The following PCSK4 variants were observed in gnomAD, a reference collection of about 807,000 sequenced individuals.
The protein encoded by PCSK4 is testicular tissue protein Li 135.
Under a neutral mutation model 80.3 loss-of-function variants are expected in PCSK4, and 64 were observed. That is an observed-to-expected ratio of 0.80 (90% CI 0.65 to 0.98). The LOEUF (loss-of-function observed/expected upper bound fraction) is 0.98, where lower values mean the gene tolerates loss of function less well. Among genes scored for constraint, PCSK4 ranks in the 50% least tolerant of loss-of-function variants. PCSK4 has a pLI of 0.00. For missense variants in PCSK4, 1,213 were observed against 1,093.6 expected, an observed-to-expected ratio of 1.11 and a Z score of -1.54; for synonymous variants, 561 against 487.6, an observed-to-expected ratio of 1.15 and a Z score of -1.98.
exon 4 of PCSK4, chr19:1,488,040 A>G: frequency 6.2e-7 from 1 of 1,613,436 alleles, no homozygotes; most frequent in East Asian, 2.2e-5. Flanking sequence ...CTGGCCTGAC[A>G]GCCCCTGACT....
intron 1 of PCSK4, 81 bp from the exon 2 acceptor site, chr19:1,489,978 C>G: frequency 6.5e-7 from 1 of 1,537,174 alleles, no homozygotes. Flanking sequence ...CAGCCCCCTT[C>G]TTTGTCCTTC....
chr19:1,483,797 C>T (rs541596245), intron 10 of PCSK4, 30 bp from the exon 11 acceptor site: 1 of 1,525,270 alleles, frequency 6.6e-7, no homozygotes, highest in East Asian at 2.5e-5. Flanking sequence ...TCACTCGCCC[C>T]GTGGGCCCCG....
rs753372220 is a variant in PCSK4, at chr19:1,486,951, T to C, written c.970A>G (p.Ser324Gly). 3 of 1,607,656 alleles carry C rather than the reference T, an allele frequency of 1.9e-6. No homozygotes were observed. The Admixed American group carries it at 5.0e-5, about 27-fold the overall frequency. ...GGCACGCGGCCCTGCTGGGTGGTGC[T>C]GCCCACGGAAAGCGTGTGGATGCTG... The change falls in exon 8 of 15, where the codon AGC becomes GGC. Residue 324 changes from serine to glycine, a missense_variant. Transcript: ENST00000300954.
exon 13 of PCSK4, chr19:1,482,967 T>C: frequency 7.1e-7 from 1 of 1,403,160 alleles, no homozygotes; most frequent in South Asian, 1.1e-5. Flanking sequence ...ATCCCAGAAG[T>C]GGGTGGACAT....
chr19:1,490,205 C>G (rs1010263637), exon 1 of PCSK4: 4 of 1,613,352 alleles, frequency 2.5e-6, no homozygotes, highest in Admixed American at 1.7e-5. Context: ...CGCTCGACCT[C>G]CCGGTTACCC....
At chr19:1,489,130 CTTT>C (rs996269474) in intron 2 of PCSK4, among the ~76,000 whole-genome samples, 6 of 128,838 alleles carry the variant, frequency 4.7e-5, no homozygotes, top group Admixed American at 7.8e-5. Context: ...AAGCCTCCTA[CTTT>C]TTTTTTTTTT....
In PCSK4 at chr19:1,488,249, C is replaced by T. The variant is rs767171179; in HGVS notation, c.326G>A (p.Arg109Gln). 11 of 1,613,378 alleles carry T rather than the reference C, an allele frequency of 6.8e-6. No homozygotes were observed. In the East Asian group the frequency reaches 8.9e-5, roughly 13 times the overall value. Reference sequence around the variant, plus strand: ...CACCACGACAGAGCGTTTCACCCGCCGCTGCAGCGTCTGCTGCTGGAACCA... The same window carrying T: ...CACCACGACAGAGCGTTTCACCCGCTGCTGCAGCGTCTGCTGCTGGAACCA... Residue 109 changes from arginine to glutamine, a missense_variant, in exon 3 of 15, where the codon CGG (arginine) becomes CAG (glutamine). Arg to Gln is a conservative substitution (Grantham distance 43). Coordinates refer to ENST00000300954, the Ensembl canonical transcript of PCSK4.
rs745427675 is a variant in PCSK4 at position 1,483,775 on chromosome 19, G to A, written c.1274-8C>T. On this transcript the variant is annotated splice_region_variant and splice_polypyrimidine_tract_variant and intron_variant, in intron 10 of 14. Transcript: ENST00000300954. ...ATCCGTAGTGATGGCTCACTGCGCG[G>A]AAGGGCAGCAGTCACTCGCCCCGTG... 6.3e-7 allele frequency: 1 copy of A among 1,575,384 alleles called. No homozygotes were observed. Among genetic ancestry groups the A allele is most frequent in the South Asian group, 1.1e-5 (1 of 87,974 alleles).
chr19:1,489,936 G>A (rs2084852722), intron 1 of PCSK4, 39 bp from the exon 2 acceptor site: 1 of 1,568,570 alleles, frequency 6.4e-7, no homozygotes, highest in East Asian at 2.4e-5. Context: ...ATGGGACCCG[G>A]CTCCCCTGCT....
At chr19:1,483,975 C>G (rs1436176948) in intron 9 of PCSK4, 34 bp from the exon 10 acceptor site, 5 of 1,452,678 alleles carry the variant, frequency 3.4e-6, no homozygotes, top group Non-Finnish European at 4.5e-6. Flanking sequence ...GGGTGAGCCG[C>G]CGGGCCGCGC....
Position 1,483,408 on chromosome 19 carries a change from G to A in PCSK4, c.1447C>T (p.His483Tyr), listed in dbSNP as rs906611383. Reference sequence around the variant, plus strand: ...TGCTCCAGCGAGCGGATGGAGTTGTGGAGGCCGGCGCAGGCCGATACGTTT... The same window carrying A: ...TGCTCCAGCGAGCGGATGGAGTTGTAGAGGCCGGCGCAGGCCGATACGTTT... Residue 483 changes from histidine (H) to tyrosine (Y), a missense_variant, in exon 12 of 15, where the codon CAC (histidine) becomes TAC (tyrosine). Physicochemically the swap from His to Tyr is moderately conservative, Grantham distance 83. Transcript: ENST00000300954. 2.5e-6 allele frequency: 4 copies of A among 1,602,728 alleles called. No homozygotes were observed. The Admixed American group carries it at 5.0e-5, about 20-fold the overall frequency.
At chr19:1,486,750 G>A in intron 8 of PCSK4, 103 bp downstream of exon 8, 2 of 1,009,074 alleles carry the variant, frequency 2.0e-6, no homozygotes, top group Non-Finnish European at 2.9e-6. Context: ...CATTTTCAAA[G>A]CAGCTTTGGG....
upstream of PCSK4, chr19:1,490,424 C>T (rs2084890766): frequency 1.7e-6 from 1 of 576,786 alleles, no homozygotes; most frequent in Admixed American, 3.6e-5. Context: ...GCGTCCGACC[C>T]GCCCCCGGCG....
chr19:1,481,873 G>A, exon 15 of PCSK4: 1 of 1,589,262 alleles, frequency 6.3e-7, no homozygotes, highest in Non-Finnish European at 8.6e-7. Context: ...GGCCTCCGAG[G>A]GTCACGGCCA....
chr19:1,487,860 T>A, exon 5 of PCSK4: 1 of 1,515,970 alleles, frequency 6.6e-7, no homozygotes, highest in Non-Finnish European at 9.0e-7. Flanking sequence ...GGCCAGGGGG[T>A]CCTGGGGGCA....
exon 15 of PCSK4, chr19:1,482,206 C>T (rs368309763): frequency 5.2e-6 from 8 of 1,533,880 alleles, no homozygotes; most frequent in African/African-American, 2.7e-5. Flanking sequence ...GGCCGTCACA[C>T]GCTGCTCGGG....
intron 8 of PCSK4, among the ~76,000 whole-genome samples, chr19:1,485,676 C>G (rs2084564873): frequency 6.6e-6 from 1 of 151,958 alleles, no homozygotes; most frequent in Admixed American, 6.5e-5. Context: ...TCGAGATCAT[C>G]CTGGCTAACA....
intron 11 of PCSK4, 70 bp from the exon 12 acceptor site, chr19:1,483,533 G>T: frequency 7.0e-7 from 1 of 1,432,894 alleles, no homozygotes; most frequent in Non-Finnish European, 9.5e-7. Flanking sequence ...AGCAGGCGAG[G>T]TCGGGGCTCA....
intron 11 of PCSK4, 37 bp downstream of exon 11, chr19:1,483,613 C>A (rs756079743): frequency 1.6e-5 from 25 of 1,517,490 alleles, no homozygotes; most frequent in Non-Finnish European, 2.1e-5. Flanking sequence ...CCCCACACCC[C>A]CAGCGGGGAT....
Sources: allele counts gnomAD v4.1 joint callset (sites outside exome capture counted in the v4.1 genomes callset), GRCh38; gene constraint gnomAD v4.1.1; transcripts MANE v1.5; gene names NCBI Gene and HGNC (gene_info 2026-07-23, HGNC 2026-07-21).